Variants in CSMD1 observed in about 807,000 individuals in gnomAD.
The protein encoded by CSMD1 is CUB and Sushi multiple domains 1.
CSMD1 carries 213 observed loss-of-function variants against 417.5 expected under a neutral mutation model. The ratio of observed to expected loss-of-function variants is 0.51; its 90% confidence interval spans 0.46 to 0.57. The LOEUF (loss-of-function observed/expected upper bound fraction) is 0.57. Among genes scored for constraint, CSMD1 ranks in the 20% least tolerant of loss-of-function variants. The probability of loss-of-function intolerance (pLI) is 0.00; values close to 1 mark genes in which losing one functional copy is unlikely to be tolerated. For missense variants in CSMD1, 6,923 were observed against 4,529.7 expected, an observed-to-expected ratio of 1.53 and a Z score of -15.17; for synonymous variants, 2,862 against 1,736.8, an observed-to-expected ratio of 1.65 and a Z score of -16.11.
chr8:4,604,974 T>C (rs1014529282), intron 2 of CSMD1, among the ~76,000 whole-genome samples: 4 of 152,220 alleles, frequency 2.6e-5, no homozygotes, highest in African/African-American at 9.6e-5. Flanking sequence ...CTATGCCAGA[T>C]ACGAGTAAGG....
chr8:4,252,351 T>C lies in CSMD1; in HGVS notation c.415+167602A>G, dbSNP rs1803139310. Among the ~76,000 whole-genome samples the C allele has an allele frequency of 3.3e-5, 5 of 152,230 alleles. No individual in the cohort carries two copies. The South Asian group carries it at 1.0e-3, about 31-fold the overall frequency. On this transcript the variant is annotated intron_variant, in intron 3 of 69. Transcript: ENST00000635120. ...ACAATGAAGAATATGTCATGCTAGC[T>C]TTTCTGTCCAATAGACGCTGAAGTT...
intron 1 of CSMD1, among the ~76,000 whole-genome samples, chr8:4,861,438 G>C (rs975836165): frequency 6.6e-6 from 1 of 152,086 alleles, no homozygotes; most frequent in African/African-American, 2.4e-5. Context: ...AGCGACCAGA[G>C]TTCTTGGAAG....
At chr8:2,994,572 C>T (rs1806709602) in intron 54 of CSMD1, among the ~76,000 whole-genome samples, 1 of 152,070 alleles carries the variant, frequency 6.6e-6, no homozygotes, top group Admixed American at 6.6e-5. Context: ...GACTAAAAGA[C>T]TAAAACTTTT....
At chr8:3,504,258 AT>A (rs33949269) in intron 10 of CSMD1, among the ~76,000 whole-genome samples, 113,420 of 151,894 alleles carry the variant, frequency 0.75, 42,964 homozygotes, top group African/African-American at 0.87. Context: ...TTAAAAAAAC[AT>A]TTTTTTTAAG....
At chr8:3,719,111 A>G (rs913037380) in intron 6 of CSMD1, among the ~76,000 whole-genome samples, 1 of 152,164 alleles carries the variant, frequency 6.6e-6, no homozygotes, top group Non-Finnish European at 1.5e-5. Context: ...AAATTCCAAG[A>G]AAGATTTTGT....
chr8:4,076,442 T>C (rs1464633135), intron 3 of CSMD1, among the ~76,000 whole-genome samples: 1 of 152,198 alleles, frequency 6.6e-6, no homozygotes, highest in Non-Finnish European at 1.5e-5. Context: ...CTCTGGTTTA[T>C]GGAATATTTT....
chr8:4,137,754 C>T (rs1803522221), intron 3 of CSMD1, among the ~76,000 whole-genome samples: 1 of 78,450 alleles, frequency 1.3e-5, no homozygotes, highest in South Asian at 4.4e-4. Flanking sequence ...TAAAATTACA[C>T]TTTCCTAAAT....
At chr8:3,963,255 G>C (rs1177367125) in intron 5 of CSMD1, among the ~76,000 whole-genome samples, 1 of 152,068 alleles carries the variant, frequency 6.6e-6, no homozygotes, top group Non-Finnish European at 1.5e-5. Context: ...TATTGTAATT[G>C]TAATAATTAC....
At chr8:4,744,201 G>T (rs1037676259) in intron 1 of CSMD1, among the ~76,000 whole-genome samples, 1 of 151,688 alleles carries the variant, frequency 6.6e-6, no homozygotes, top group Admixed American at 6.6e-5. Flanking sequence ...ACTGACTGAC[G>T]GTCACCTCTG....
intron 3 of CSMD1, among the ~76,000 whole-genome samples, chr8:4,094,745 A>G: frequency 6.6e-6 from 1 of 152,288 alleles, no homozygotes; most frequent in South Asian, 2.1e-4. Flanking sequence ...CCATTCAGAC[A>G]AATGATGGAG....
chr8:3,555,446 G>A (rs1452282805), intron 10 of CSMD1, among the ~76,000 whole-genome samples: 1 of 152,086 alleles, frequency 6.6e-6, no homozygotes, highest in Non-Finnish European at 1.5e-5. Flanking sequence ...GGGGTCAGGT[G>A]GCCCTGGCAG....
intron 1 of CSMD1, among the ~76,000 whole-genome samples, chr8:4,696,314 A>G (rs1319717667): frequency 2.0e-5 from 3 of 152,218 alleles, no homozygotes; most frequent in African/African-American, 7.2e-5. Flanking sequence ...TTTGGTAGCA[A>G]TAACTTTCAA....
Position 2,961,261 on chromosome 8 carries a change from T to C in CSMD1, c.9629-47A>G, listed in dbSNP as rs371021861. On this transcript the variant is annotated intron_variant, in intron 61 of 69. Coordinates refer to ENST00000635120, the MANE Select transcript of CSMD1 (RefSeq NM_033225.6). ...GAAAAGAGGGCACCAGATATAGTTA[T>C]TGTGAGAATTTTAACAGCTTTCACT... 3.3e-5 allele frequency: 41 copies of C among 1,228,742 alleles called. 1 individual carries two copies. The African/African-American group carries it at 5.8e-4, about 17-fold the overall frequency. The allele number at this position is 1,228,742 out of a possible 1,614,324, so 76.1% of individuals were successfully genotyped here.
At chr8:3,629,532 T>C (rs768950092) in intron 7 of CSMD1, among the ~76,000 whole-genome samples, 1 of 152,188 alleles carries the variant, frequency 6.6e-6, no homozygotes, top group Non-Finnish European at 1.5e-5. Context: ...AAATATCAGC[T>C]CCTCATCTTT....
intron 5 of CSMD1, among the ~76,000 whole-genome samples, chr8:3,950,662 A>G (rs927179263): frequency 6.6e-6 from 1 of 152,184 alleles, no homozygotes; most frequent in Non-Finnish European, 1.5e-5. Flanking sequence ...TAAAAAGTTA[A>G]TGTTTCTCCT....
chr8:3,018,363 C>T (rs1459665248), intron 52 of CSMD1, 114 bp downstream of exon 52: 1 of 923,290 alleles, frequency 1.1e-6, no homozygotes, highest in Non-Finnish European at 1.6e-6. Flanking sequence ...GCAGCATTTC[C>T]ACCCCAGGTA....
intron 5 of CSMD1, among the ~76,000 whole-genome samples, chr8:3,848,327 C>G (rs1251298884): frequency 6.6e-6 from 1 of 152,134 alleles, no homozygotes; most frequent in Non-Finnish European, 1.5e-5. Flanking sequence ...ATCACCACAT[C>G]AAAAGGAGCA....
intron 7 of CSMD1, among the ~76,000 whole-genome samples, chr8:3,680,657 A>G (rs78863486): frequency 6.6e-6 from 1 of 152,228 alleles, no homozygotes. Flanking sequence ...AATCAATAGA[A>G]AAAAGAGGGA....
chr8:4,380,066 G>A (rs974693452), intron 3 of CSMD1, among the ~76,000 whole-genome samples: 6 of 152,178 alleles, frequency 3.9e-5, no homozygotes, highest in African/African-American at 1.4e-4. Context: ...TCCATATGAA[G>A]ATAAATGATT....
Sources: allele counts gnomAD v4.1 joint callset (sites outside exome capture counted in the v4.1 genomes callset), GRCh38; gene constraint gnomAD v4.1.1; transcripts MANE v1.5; gene names NCBI Gene and HGNC (gene_info 2026-07-23, HGNC 2026-07-21).